Variants in LOXHD1 observed in about 807,000 individuals in gnomAD.
The protein encoded by LOXHD1 is lipoxygenase homology PLAT domains 1.
Under a neutral mutation model 248.2 loss-of-function variants are expected in LOXHD1, and 205 were observed. The ratio of observed to expected loss-of-function variants is 0.83; its 90% CI spans 0.74 to 0.93. LOXHD1 has a LOEUF of 0.93. LOXHD1 is among the 40% of genes least tolerant of loss of function. The pLI, the probability that LOXHD1 is intolerant of heterozygous loss-of-function variation, is 0.00. For missense variants in LOXHD1, 2,930 were observed against 2,971.6 expected, an observed-to-expected ratio of 0.99 and a Z score of 0.33; for synonymous variants, 1,113 against 1,162.8, an observed-to-expected ratio of 0.96 and a Z score of 0.87.
At chr18:46,633,372 G>A (rs1341753136) in intron 4 of LOXHD1, among the ~76,000 whole-genome samples, 3 of 152,166 alleles carry the variant, frequency 2.0e-5, no homozygotes, top group Admixed American at 6.5e-5. Flanking sequence ...GTTCAATAAG[G>A]AAGGGACAGT....
intron 12 of LOXHD1, among the ~76,000 whole-genome samples, chr18:46,586,568 C>G (rs1187110477): frequency 1.3e-5 from 2 of 152,152 alleles, no homozygotes; most frequent in African/African-American, 4.8e-5. Flanking sequence ...GCCTCAGCCT[C>G]CCGAGTAACT....
intron 36 of LOXHD1, among the ~76,000 whole-genome samples, chr18:46,506,929 G>T (rs1326901484): frequency 6.6e-6 from 1 of 152,198 alleles, no homozygotes; most frequent in East Asian, 1.9e-4. Flanking sequence ...ATGCCTGGAT[G>T]ACAGTGTGTT....
chr18:46,531,355 G>A (rs969658567), intron 28 of LOXHD1, among the ~76,000 whole-genome samples: 2 of 152,142 alleles, frequency 1.3e-5, no homozygotes, highest in African/African-American at 4.8e-5. Context: ...ATACTGACCT[G>A]CGGTGACATT....
At chr18:46,549,539 C>CTGTG (rs2036995347) in intron 21 of LOXHD1, among the ~76,000 whole-genome samples, 1 of 152,182 alleles carries the variant, frequency 6.6e-6, no homozygotes, top group African/African-American at 2.4e-5. Context: ...CCCTAACAAG[C>CTGTG]TGTGAGATCC....
rs773855854 is a variant in LOXHD1, at chr18:46,572,128, C to A, written c.2005G>T (p.Val669Phe). The A allele has an allele frequency of 3.2e-6, 5 of 1,551,900 alleles. No individual in the cohort carries two copies. Among genetic ancestry groups the A allele is most frequent in the Non-Finnish European group, 4.4e-6 (5 of 1,147,044 alleles). Residue 669 changes from valine to phenylalanine, a missense_variant, in exon 15 of 41, where the codon GTC (valine) becomes TTC (phenylalanine). Physicochemically the swap from Val to Phe is conservative, Grantham distance 50. Transcript: ENST00000642948. Reference protein sequence around the residue: ...LDKDKDDGQLVRELLPSDSSA... With the variant: ...LDKDKDDGQLFRELLPSDSSA... ...CTGTCACTGGGTAGCAACTCTCGGA[C>A]CAGCTGCCCATCATCCTTATCCTTG... is the stretch of plus-strand genomic sequence containing the variant.
intron 6 of LOXHD1, 115 bp downstream of exon 6, chr18:46,610,661 G>C: frequency 3.3e-6 from 4 of 1,220,836 alleles, no homozygotes; most frequent in Non-Finnish European, 4.4e-6. Flanking sequence ...TTAGGTAGAA[G>C]AGTGGATGCA....
chr18:46,576,745 C>T (rs933683522), intron 14 of LOXHD1, among the ~76,000 whole-genome samples: 1 of 152,166 alleles, frequency 6.6e-6, no homozygotes, highest in African/African-American at 2.4e-5. Context: ...TGGAGCCCTC[C>T]CAGTGGCCCT....
chr18:46,531,946 C>A (rs193115068), intron 28 of LOXHD1, among the ~76,000 whole-genome samples: 3 of 152,226 alleles, frequency 2.0e-5, no homozygotes. Flanking sequence ...TATTTCTGGG[C>A]GACAACTCAG....
At chr18:46,630,713 A>G (rs955694999) in intron 4 of LOXHD1, among the ~76,000 whole-genome samples, 1 of 151,816 alleles carries the variant, frequency 6.6e-6, no homozygotes, top group Non-Finnish European at 1.5e-5. Flanking sequence ...TATGAATTGC[A>G]CCTGGGCACT....
chr18:46,562,819 AC>A (rs1322622350), intron 18 of LOXHD1, among the ~76,000 whole-genome samples: 4 of 152,158 alleles, frequency 2.6e-5, no homozygotes, highest in African/African-American at 9.7e-5. Context: ...ACCAGGCAGC[AC>A]TTTTTTCTTA....
rs2035740531 is a variant in LOXHD1, at chr18:46,524,678, G to A, written c.4740+30C>T. The A allele has an allele frequency of 2.6e-6, 4 of 1,551,208 alleles. No homozygotes were observed. The Admixed American group carries it at 7.8e-5, about 30-fold the overall frequency. On this transcript the variant is annotated intron_variant, in intron 30 of 40. Transcript: ENST00000642948. ...GGGACCTCCCCTAGGCATGAGGATG[G>A]CCACAGGCCCTATATACCCCTTGGC... is the stretch of plus-strand genomic sequence containing the variant.
Position 46,639,599 on chromosome 18 carries a change from C to A in LOXHD1, c.511+17G>T. 1 of 1,543,142 alleles carries A rather than the reference C, an allele frequency of 6.5e-7. No individual in the cohort carries two copies. On this transcript the variant is annotated intron_variant, in intron 4 of 40. Transcript: ENST00000642948. Reference sequence around the variant, plus strand: ...CAGCTAGGGAGGGATGGCAGGCAGGCCAGCCTAGGCACTGACCTCTGGGCA... The same window carrying A: ...CAGCTAGGGAGGGATGGCAGGCAGGACAGCCTAGGCACTGACCTCTGGGCA...
At chr18:46,635,226 A>G (rs910473051) in intron 4 of LOXHD1, among the ~76,000 whole-genome samples, 3 of 151,930 alleles carry the variant, frequency 2.0e-5, no homozygotes, top group Non-Finnish European at 4.4e-5. Context: ...CCTCAGGGAG[A>G]CTAGGGGGTT....
intron 1 of LOXHD1, among the ~76,000 whole-genome samples, chr18:46,653,111 G>A (rs2039133095): frequency 6.6e-6 from 1 of 152,172 alleles, no homozygotes; most frequent in Non-Finnish European, 1.5e-5. Context: ...GCCAGGCGTG[G>A]TGGCGCACAC....
Position 46,524,872 on chromosome 18 carries a change from T to C in LOXHD1, c.4576A>G (p.Lys1526Glu), listed in dbSNP as rs754452306. Reference protein sequence around the residue: ...IEAADLGVIYKIKLRHDNSKW... With the variant: ...IEAADLGVIYEIKLRHDNSKW... ...GAGTTGTCATGGCGGAGCTTGATCT[T>C]GTAGATGACGCCTAGGTCAGCGGCC... Residue 1526 changes from lysine (K) to glutamate (E), a missense_variant, in exon 30 of 41, where the codon AAG (lysine) becomes GAG (glutamate). Physicochemically the swap from Lys to Glu is moderately conservative, Grantham distance 56. Transcript: ENST00000642948. 6.4e-7 allele frequency: 1 copy of C among 1,551,740 alleles called. No homozygotes were observed. Among genetic ancestry groups the C allele is most frequent in the Non-Finnish European group, 8.7e-7 (1 of 1,147,004 alleles).
chr18:46,640,088 T>C (rs1241223130), intron 3 of LOXHD1, among the ~76,000 whole-genome samples: 2 of 152,218 alleles, frequency 1.3e-5, no homozygotes, highest in Non-Finnish European at 2.9e-5. Context: ...ATCATCTTGA[T>C]CTTCCCCTTT....
intron 1 of LOXHD1, among the ~76,000 whole-genome samples, chr18:46,653,296 C>T (rs955200056): frequency 2.0e-5 from 3 of 152,102 alleles, no homozygotes; most frequent in South Asian, 2.1e-4. Flanking sequence ...ATGACAGAAT[C>T]GGGAGATTTG....
intron 6 of LOXHD1, among the ~76,000 whole-genome samples, chr18:46,604,433 T>C (rs2038384095): frequency 6.6e-6 from 1 of 152,352 alleles, no homozygotes; most frequent in Admixed American, 6.5e-5. Flanking sequence ...TGACTGGCGA[T>C]TACCTTCTGA....
chr18:46,617,824 C>A (rs1163812215), intron 5 of LOXHD1, among the ~76,000 whole-genome samples: 1 of 152,112 alleles, frequency 6.6e-6, no homozygotes, highest in African/African-American at 2.4e-5. Flanking sequence ...CAGGCCACAC[C>A]CAGCAACATC....
Sources: gnomAD v4.1 joint callset for allele counts (sites outside exome capture counted in the v4.1 genomes callset) on GRCh38, gnomAD v4.1.1 for gene constraint, MANE v1.5 for transcripts, NCBI Gene and HGNC (gene_info 2026-07-23, HGNC 2026-07-21) for gene names.